LRRC3C: variants seen among roughly 807,000 people sequenced by gnomAD.
LRRC3C encodes the protein leucine-rich repeat-containing protein 3C.
In LRRC3C, 11 loss-of-function variants were observed where a neutral mutation model predicts 14.8. That is an observed-to-expected ratio of 0.74 (90% CI 0.47 to 1.23). The LOEUF (loss-of-function observed/expected upper bound fraction) is 1.23. Ranked by LOEUF, LRRC3C falls within the 50% of genes most tolerant of loss-of-function variation. The probability of loss-of-function intolerance (pLI) is 0.00; values close to 1 mark genes in which losing one functional copy is unlikely to be tolerated. For synonymous variants in LRRC3C, 149 were observed against 161.5 expected (o/e 0.92, Z 0.59); for missense variants, 354 against 361.8 (o/e 0.98, Z 0.18).
intron 3 of LRRC3C, among the ~76,000 whole-genome samples, chr17:39,942,691 G>T (rs543030292): frequency 6.6e-6 from 1 of 152,216 alleles, no homozygotes; most frequent in Non-Finnish European, 1.5e-5. Flanking sequence ...AGGAAATGAG[G>T]AACCCTGGAC....
In LRRC3C at chr17:39,944,387, C is replaced by A; in HGVS notation, c.481C>A (p.Pro161Thr). ...GATCCAAGTGAACCTATCCGCAAACCCATGGCACTGTGACTGCGCCCTCCA... is the reference window on the plus strand; with the variant it reads ...GATCCAAGTGAACCTATCCGCAAACACATGGCACTGTGACTGCGCCCTCCA... ...LQIQVNLSAN[P>T]WHCDCALQEV... The change falls in exon 4 of 4, where the codon CCA becomes ACA. Residue 161 changes from proline (P) to threonine (T), a missense_variant. By Grantham distance (38) the Pro-to-Thr change is conservative. Coordinates refer to ENST00000377924, the MANE Select transcript of LRRC3C (RefSeq NM_001195545.2). 6.6e-7 allele frequency: 1 copy of A among 1,521,110 alleles called. No individual in the cohort carries two copies. Among genetic ancestry groups the A allele is most frequent in the Non-Finnish European group, 8.8e-7 (1 of 1,139,700 alleles). 94.2% of individuals were successfully genotyped at this position (1,521,110 alleles called of 1,614,324 possible). A position where few individuals can be genotyped will look rare whatever the true frequency, so the allele number is the denominator to read the frequency against.
intron 1 of LRRC3C, chr17:39,929,417 G>A (rs959401489): frequency 2.0e-5 from 3 of 152,160 alleles, no homozygotes; most frequent in Admixed American, 6.5e-5. Flanking sequence ...CTCACTCTAG[G>A]TTTGTGGTAA....
At chr17:39,929,741 A>C (rs1330396612) in intron 1 of LRRC3C, among the ~76,000 whole-genome samples, 1 of 152,234 alleles carries the variant, frequency 6.6e-6, no homozygotes, top group African/African-American at 2.4e-5. Flanking sequence ...CAGGATGTTC[A>C]TTCCAGCAAT....
intron 2 of LRRC3C, chr17:39,939,251 C>A: frequency 3.1e-6 from 2 of 637,512 alleles, no homozygotes; most frequent in Non-Finnish European, 3.9e-6. Context: ...TTGCCACTCC[C>A]AAAGCCATGT....
Position 39,941,495 on chromosome 17 carries a change from A to G in LRRC3C, c.-29A>G. Reference sequence around the variant, plus strand: ...CACCCATAGTCTTCCAAAATCCAGCAAGAAAAATCCTTCTCAGAAAGGTCT... The same window carrying G: ...CACCCATAGTCTTCCAAAATCCAGCGAGAAAAATCCTTCTCAGAAAGGTCT... On this transcript the variant is annotated 5_prime_UTR_variant, in exon 3 of 4. Transcript: ENST00000377924. 1 of 1,535,066 alleles carries G rather than the reference A, an allele frequency of 6.5e-7. No individual in the cohort carries two copies. The highest frequency in any genetic ancestry group is 8.7e-7 in the Non-Finnish European group (1 of 1,146,086).
At chr17:39,935,305 C>T (rs79057213) in intron 1 of LRRC3C, among the ~76,000 whole-genome samples, 3 of 152,034 alleles carry the variant, frequency 2.0e-5, no homozygotes, top group Admixed American at 6.5e-5. Context: ...GTCACCTTCT[C>T]GGTGCAGCCT....
chr17:39,939,297 T>C, intron 2 of LRRC3C: 1 of 946,682 alleles, frequency 1.1e-6, no homozygotes, highest in Non-Finnish European at 1.3e-6. Flanking sequence ...GGGATGATTC[T>C]GCCATGTTAT....
In LRRC3C at chr17:39,944,402, T is replaced by C. The variant is rs1438759210; in HGVS notation, c.496T>C (p.Cys166Arg). 2.7e-6 allele frequency: 4 copies of C among 1,508,926 alleles called. No individual in the cohort carries two copies. Among genetic ancestry groups the C allele is most frequent in the Non-Finnish European group, 3.5e-6 (4 of 1,132,724 alleles). 93.5% of individuals were successfully genotyped at this position (1,508,926 alleles called of 1,614,324 possible). Residue 166 changes from cysteine to arginine, a missense_variant, in exon 4 of 4, where the codon TGC (cysteine) becomes CGC (arginine). Coordinates refer to ENST00000377924, the MANE Select transcript of LRRC3C (RefSeq NM_001195545.2). ...NLSANPWHCD[C>R]ALQEVLRQVR... ...ATCCGCAAACCCATGGCACTGTGACTGCGCCCTCCAGGAAGTGCTCCGGCA... is the reference window on the plus strand; with the variant it reads ...ATCCGCAAACCCATGGCACTGTGACCGCGCCCTCCAGGAAGTGCTCCGGCA...
At chr17:39,941,598 C>T (rs1248657742) in intron 3 of LRRC3C, 49 bp downstream of exon 3, 1 of 1,505,900 alleles carries the variant, frequency 6.6e-7, no homozygotes, top group South Asian at 1.2e-5. Flanking sequence ...CTCCTGTTCT[C>T]TTCCACCTCT....
chr17:39,935,993 G>A (rs1212351110), intron 2 of LRRC3C, 99 bp downstream of exon 2: 6 of 587,598 alleles, frequency 1.0e-5, no homozygotes, highest in Non-Finnish European at 1.3e-5. Context: ...TGGACCTGGA[G>A]GTCTCCAACA....
In LRRC3C at chr17:39,935,785, C is replaced by T; in HGVS notation, c.-174-17C>T. ...CAGCATGAAGTGTATGTATACACCC[C>T]TTGCTCTTTTCTACAGGGAACAACA... On this transcript the variant is annotated splice_polypyrimidine_tract_variant and intron_variant, in intron 1 of 3. Transcript: ENST00000377924. The T allele has an allele frequency of 1.0e-6, 1 of 982,422 alleles. No homozygotes were observed. Among genetic ancestry groups the T allele is most frequent in the Non-Finnish European group, 1.2e-6 (1 of 827,216 alleles). 60.9% of individuals were successfully genotyped at this position (982,422 alleles called of 1,614,324 possible).
Position 39,927,749 on chromosome 17 carries a change from T to A in LRRC3C, c.-240T>A. The A allele has an allele frequency of 2.0e-6, 2 of 985,478 alleles. No homozygotes were observed. Among genetic ancestry groups the A allele is most frequent in the South Asian group, 4.7e-5 (1 of 21,286 alleles). 61.0% of individuals were successfully genotyped at this position (985,478 alleles called of 1,614,324 possible). On this transcript the variant is annotated 5_prime_UTR_variant, in exon 1 of 4. Coordinates refer to ENST00000377924, the MANE Select transcript of LRRC3C (RefSeq NM_001195545.2). Reference sequence around the variant, plus strand: ...TTTTTCCTGGGCTCCGTTCCCGGCCTCTTCGGGGACGCACGGTTGGAAGTT... The same window carrying A: ...TTTTTCCTGGGCTCCGTTCCCGGCCACTTCGGGGACGCACGGTTGGAAGTT...
intron 1 of LRRC3C, chr17:39,934,626 A>G (rs1004966112): frequency 6.6e-6 from 1 of 152,214 alleles, no homozygotes; most frequent in African/African-American, 2.4e-5. Context: ...ATTCTCAATA[A>G]ATGTTAACTG....
Position 39,944,147 on chromosome 17 carries a change from AC to A in LRRC3C, c.244del (p.Arg82AlafsTer74), listed in dbSNP as rs2032812098. ...TGTGCCCTCCGGCATCCCCAATGAC[AC>A]CCGCAAGCTCTACCTGGATGCCAAC... Reference protein sequence around the residue: ...SAVPSGIPNDTRKLYLDANQL... With the variant: ...SAVPSGIPNDXRKLYLDANQL... On this transcript the variant is annotated frameshift_variant, in exon 4 of 4. Coordinates refer to ENST00000377924, the MANE Select transcript of LRRC3C (RefSeq NM_001195545.2). LOFTEE classifies it high-confidence loss of function. 6.5e-7 allele frequency: 1 copy of A among 1,536,082 alleles called. No individual in the cohort carries two copies. The highest frequency in any genetic ancestry group is 8.7e-7 in the Non-Finnish European group (1 of 1,146,898).
chr17:39,943,810 C>A, intron 3 of LRRC3C, 123 bp from the exon 4 acceptor site: 1 of 833,154 alleles, frequency 1.2e-6, no homozygotes, highest in South Asian at 1.8e-5. Flanking sequence ...TTGAGAGAAG[C>A]CCCCAGAGAA....
intron 3 of LRRC3C, 31 bp from the exon 4 acceptor site, chr17:39,943,902 C>T (rs1322474349): frequency 2.3e-5 from 35 of 1,532,588 alleles, no homozygotes; most frequent in Non-Finnish European, 3.1e-5. Flanking sequence ...TCTTGACTCA[C>T]TCCTCCTTTA....
chr17:39,940,777 C>T (rs1978917193), intron 2 of LRRC3C, among the ~76,000 whole-genome samples: 1 of 152,072 alleles, frequency 6.6e-6, no homozygotes, highest in South Asian at 2.1e-4. Context: ...GGTCTTAATG[C>T]GTCACCTAGG....
At chr17:39,928,719 A>G (rs1340466132) in intron 1 of LRRC3C, among the ~76,000 whole-genome samples, 1 of 152,250 alleles carries the variant, frequency 6.6e-6, no homozygotes, top group African/African-American at 2.4e-5. Flanking sequence ...ATGGCAGTTC[A>G]TGGCACCCTG....
In LRRC3C at chr17:39,944,701, C is replaced by T. The variant is rs769759963; in HGVS notation, c.795C>T (p.Ser265=). 118 of 1,535,974 alleles carry T rather than the reference C, an allele frequency of 7.7e-5. 1 individual carries two copies. In the African/African-American group the frequency reaches 1.3e-3, roughly 17 times the overall value. Residue 265 remains serine (S), a synonymous_variant, in exon 4 of 4, where the codon TCC becomes TCT. Coordinates refer to ENST00000377924, the MANE Select transcript of LRRC3C (RefSeq NM_001195545.2). ...GGGCCCCAGTGCTGCCCGTGCGTTC[C>T]GAGGACTCCTCCATCCTCAGCACAG... ...LKRAPVLPVR[S]EDSSILSTVV is the part of the protein sequence containing the mutation.
Sources: allele counts gnomAD v4.1 joint callset (sites outside exome capture counted in the v4.1 genomes callset), GRCh38; gene constraint gnomAD v4.1.1; transcripts MANE v1.5; gene names NCBI Gene and HGNC (gene_info 2026-07-23, HGNC 2026-07-21).